Variants in DHRS4 observed in about 807,000 individuals in gnomAD.
The protein encoded by DHRS4 is dehydrogenase/reductase SDR family member 4.
In DHRS4, 20 loss-of-function variants were observed where a neutral mutation model predicts 28.4. The ratio of observed to expected loss-of-function variants is 0.71; its 90% CI spans 0.50 to 1.02. The LOEUF (loss-of-function observed/expected upper bound fraction) is 1.02, where lower values mean the gene tolerates loss of function less well. Among genes scored for constraint, DHRS4 ranks in the 50% least tolerant of loss-of-function variants. The pLI, the probability that DHRS4 is intolerant of heterozygous loss-of-function variation, is 0.00. For missense variants in DHRS4, 378 were observed against 367.2 expected (o/e 1.03, Z -0.24); for synonymous variants, 144 against 146.4 (o/e 0.98, Z 0.12).
chr14:23,968,699 G>A, intron 7 of DHRS4, 58 bp from the exon 8 acceptor site: 7 of 1,592,746 alleles, frequency 4.4e-6, no homozygotes, highest in Non-Finnish European at 6.0e-6. Context: ...TGTGTCCCAG[G>A]TGAGGGAGGC....
chr14:23,968,713 A>C (rs61999779), intron 7 of DHRS4, 44 bp from the exon 8 acceptor site: 212,798 of 1,599,756 alleles, frequency 0.13, 20,602 homozygotes, highest in African/African-American at 0.35. Context: ...GGGAGGCAGA[A>C]CTGTTTGATT....
intron 1 of DHRS4, among the ~76,000 whole-genome samples, chr14:23,954,466 T>C (rs556543493): frequency 1.3e-5 from 2 of 152,340 alleles, no homozygotes; most frequent in Non-Finnish European, 2.9e-5. Flanking sequence ...TCCTCATTTC[T>C]ACAGGACTTT....
rs559251300 is a variant in DHRS4 at position 23,955,058 on chromosome 14, G to C, written c.152G>C (p.Arg51Pro). ...AGGATCGGCTTCGCCATCGCCCGGCGTTTGGCCCAGGACGGGGCCCATGTG... is the reference window on the plus strand; with the variant it reads ...AGGATCGGCTTCGCCATCGCCCGGCCTTTGGCCCAGGACGGGGCCCATGTG... ...TDGIGFAIARRLAQDGAHVVV... is the reference protein window; with the variant it reads ...TDGIGFAIARPLAQDGAHVVV... The change falls in exon 2 of 8, where the codon CGT (arginine) becomes CCT (proline). Residue 51 changes from arginine (R) to proline (P), a missense_variant. Transcript: ENST00000313250. The C allele has an allele frequency of 7.4e-6, 12 of 1,614,182 alleles. No homozygotes were observed. The African/African-American group carries it at 1.6e-4, about 22-fold the overall frequency.
At position 23,968,757 on chromosome 14, in the gene DHRS4, G is replaced by T; in HGVS notation, c.723G>T (p.Arg241Ser). The T allele has an allele frequency of 6.2e-7, 1 of 1,605,378 alleles. No individual in the cohort carries two copies. The highest frequency in any genetic ancestry group is 8.5e-7 in the Non-Finnish European group (1 of 1,176,434). ...CTTCCTTGCTTCCCTTATTCCCCAG[G>T]TTAGGCGAGCCAGAGGATTGTGCTG... Reference protein sequence around the residue: ...ESMKETLRIRRLGEPEDCAGI... With the variant: ...ESMKETLRIRSLGEPEDCAGI... Residue 241 changes from arginine to serine, a missense_variant and splice_region_variant, in exon 8 of 8, where the codon AGG becomes AGT. Transcript: ENST00000313250.
In DHRS4 at chr14:23,953,859, T is replaced by G. The variant is rs774399986; in HGVS notation, c.71T>G (p.Met24Arg). ...WNSVRMASSGMTRRDPLANKV... is the reference protein window; with the variant it reads ...WNSVRMASSGRTRRDPLANKV... ...TCGGTGCGGATGGCCAGCTCCGGGA[T>G]GACCCGCCGGGACCCGCTCGCAAAT... Residue 24 changes from methionine to arginine, a missense_variant, in exon 1 of 8, where the codon ATG becomes AGG. Physicochemically the swap from Met to Arg is moderately conservative, Grantham distance 91. Transcript: ENST00000313250. 2.8e-5 allele frequency: 45 copies of G among 1,613,332 alleles called. No individual in the cohort carries two copies. In the Middle Eastern group the frequency reaches 5.0e-4, roughly 18 times the overall value.
intron 2 of DHRS4, among the ~76,000 whole-genome samples, chr14:23,959,690 T>C (rs764686055): frequency 6.6e-6 from 1 of 151,696 alleles, no homozygotes; most frequent in Non-Finnish European, 1.5e-5. Flanking sequence ...TTGTTGTTGT[T>C]GTTTTTAATA....
intron 1 of DHRS4, 187 bp downstream of exon 1, chr14:23,954,103 C>A: frequency 1.1e-6 from 1 of 897,018 alleles, no homozygotes; most frequent in Non-Finnish European, 1.6e-6. Flanking sequence ...CCCTCCCTTG[C>A]CAGCCCTCCT....
intron 3 of DHRS4, among the ~76,000 whole-genome samples, chr14:23,963,756 TCTAA>T (rs2033506158): frequency 6.7e-6 from 1 of 148,490 alleles, no homozygotes; most frequent in Non-Finnish European, 1.5e-5. Flanking sequence ...GTGCACATGG[TCTAA>T]CTTTCAGCCT....
intron 3 of DHRS4, among the ~76,000 whole-genome samples, chr14:23,961,779 T>A (rs1374827857): frequency 8.5e-6 from 1 of 118,110 alleles, no homozygotes; most frequent in Non-Finnish European, 1.7e-5. Context: ...CCCCAAAATA[T>A]TGGGATTGCA....
At chr14:23,954,927 A>G (rs1461526187) in intron 1 of DHRS4, 108 bp from the exon 2 acceptor site, 7 of 1,549,594 alleles carry the variant, frequency 4.5e-6, no homozygotes, top group Non-Finnish European at 5.2e-6. Context: ...GGGGTTATAT[A>G]GAGAAAGAGC....
chr14:23,959,817 C>A (rs1191437023), intron 2 of DHRS4, 85 bp from the exon 3 acceptor site: 40 of 1,500,144 alleles, frequency 2.7e-5, no homozygotes, highest in Non-Finnish European at 3.7e-5. Context: ...CAGCTCCTTG[C>A]CCAGAAGGAA....
chr14:23,954,525 G>A (rs1325455415), intron 1 of DHRS4, among the ~76,000 whole-genome samples: 2 of 152,208 alleles, frequency 1.3e-5, no homozygotes, highest in African/African-American at 4.8e-5. Flanking sequence ...TAGGTAAAAT[G>A]CTAATAGCTG....
At chr14:23,957,513 G>A (rs1353646807) in intron 2 of DHRS4, among the ~76,000 whole-genome samples, 35 of 150,744 alleles carry the variant, frequency 2.3e-4, no homozygotes, top group Admixed American at 7.3e-4. Flanking sequence ...TAACCGCTTT[G>A]GTGTAGTGAT....
In DHRS4 at chr14:23,959,786, C is replaced by G. The variant is rs28373485; in HGVS notation, c.307-116C>G. On this transcript the variant is annotated intron_variant, in intron 2 of 7. Coordinates refer to ENST00000313250, the MANE Select transcript of DHRS4 (RefSeq NM_021004.4). The stretch of plus-strand genomic sequence containing the variant: ...CTCCCACCTTGGCCTCCCAAAGTGC[C>G]ATGATTACAGGCATGAGCCACAGCT... The G allele has an allele frequency of 2.4e-6, 3 of 1,258,222 alleles. No homozygotes were observed. In the East Asian group the frequency reaches 7.0e-5, roughly 29 times the overall value. 77.9% of individuals were successfully genotyped at this position (1,258,222 alleles called of 1,614,324 possible).
rs549668516 is a variant in DHRS4, at chr14:23,955,131, G to A, written c.225G>A (p.Thr75=). The A allele has an allele frequency of 7.4e-6, 12 of 1,614,026 alleles. No homozygotes were observed. In the East Asian group the frequency reaches 2.5e-4, roughly 33 times the overall value. ...AGAATGTGGACCAGGCGGTGGCCACGCTGCAGGGGGAGGGGCTGAGCGTGA... is the reference window on the plus strand; with the variant it reads ...AGAATGTGGACCAGGCGGTGGCCACACTGCAGGGGGAGGGGCTGAGCGTGA... The part of the protein sequence containing the change: ...KQQNVDQAVA[T]LQGEGLSVTG... The change falls in exon 2 of 8, where the codon ACG becomes ACA. Residue 75 remains threonine, a synonymous_variant. Transcript: ENST00000313250.
chr14:23,966,732 A>G (rs1470590483), intron 6 of DHRS4, among the ~76,000 whole-genome samples: 1 of 152,248 alleles, frequency 6.6e-6, no homozygotes, highest in Non-Finnish European at 1.5e-5. Flanking sequence ...AGATGAGGGC[A>G]GTGGGGAGAG....
Position 23,955,184 on chromosome 14 carries a change from C to T in DHRS4, c.278C>T (p.Ala93Val), listed in dbSNP as rs778037413. ...VTGTVCHVGK[A>V]EDRERLVATA... ...GGCACCGTGTGCCATGTGGGGAAGG[C>T]GGAGGACCGGGAGCGGCTGGTGGCC... Residue 93 changes from alanine to valine, a missense_variant, in exon 2 of 8, where the codon GCG becomes GTG. Ala to Val is a moderately conservative substitution (Grantham distance 64). Coordinates refer to ENST00000313250, the MANE Select transcript of DHRS4 (RefSeq NM_021004.4). 20 of 1,613,388 alleles carry T rather than the reference C, an allele frequency of 1.2e-5. No individual in the cohort carries two copies. The highest frequency in any genetic ancestry group is 1.2e-4 in the Admixed American group (7 of 59,956).
intron 6 of DHRS4, among the ~76,000 whole-genome samples, 195 bp from the exon 7 acceptor site, chr14:23,967,016 G>A (rs1594437532): frequency 1.3e-5 from 2 of 151,972 alleles, no homozygotes; most frequent in Non-Finnish European, 2.9e-5. Context: ...TTAGCCGGGC[G>A]CAGTGGCGAG....
At chr14:23,956,986 A>C (rs989554701) in intron 2 of DHRS4, among the ~76,000 whole-genome samples, 3 of 152,194 alleles carry the variant, frequency 2.0e-5, no homozygotes, top group Non-Finnish European at 4.4e-5. Context: ...TGTAGCAAAT[A>C]AGAAGCCATG....
Sources: gnomAD v4.1 joint callset for allele counts (sites outside exome capture counted in the v4.1 genomes callset) on GRCh38, gnomAD v4.1.1 for gene constraint, MANE v1.5 for transcripts, NCBI Gene and HGNC (gene_info 2026-07-23, HGNC 2026-07-21) for gene names.